The following SNX8 variants were observed in gnomAD, a reference collection of about 807,000 sequenced individuals.
SNX8 encodes the protein sorting nexin 8.
In SNX8, 25 loss-of-function variants were observed where a neutral mutation model predicts 51.6. The ratio of observed to expected loss-of-function variants is 0.48; its 90% confidence interval spans 0.35 to 0.68. The LOEUF (loss-of-function observed/expected upper bound fraction) is 0.68, where lower values mean the gene tolerates loss of function less well. SNX8 is among the 30% of genes least tolerant of loss of function. The pLI is 0.00. For synonymous variants in SNX8, 324 were observed against 277.0 expected (o/e 1.17, Z -1.68); for missense variants, 695 against 624.0 (o/e 1.11, Z -1.21).
Position 2,313,642 on chromosome 7 carries a change from C to T in SNX8, c.94+686G>A, listed in dbSNP as rs1265750970. On this transcript the variant is annotated intron_variant, in intron 1 of 10. Coordinates refer to ENST00000222990, the MANE Select transcript of SNX8 (RefSeq NM_013321.4). ...CTTTGGGAGGCCAAGGCAGGAGGAC[C>T]GCTTGAGGCCAGAAGCTCCAGACCA... is the stretch of plus-strand genomic sequence containing the variant. Among the ~76,000 whole-genome samples, 3 of 151,656 alleles carry T rather than the reference C, an allele frequency of 2.0e-5. No homozygotes were observed. In the East Asian group the frequency reaches 5.8e-4, roughly 29 times the overall value.
At chr7:2,284,830 C>A (rs1242704625) in intron 1 of SNX8, among the ~76,000 whole-genome samples, 1 of 152,172 alleles carries the variant, frequency 6.6e-6, no homozygotes, top group Non-Finnish European at 1.5e-5. Flanking sequence ...AATATTCCTT[C>A]TTCCGCTCAT....
At chr7:2,317,542 G>C (rs1259086430), upstream of SNX8, among the ~76,000 whole-genome samples, 2 of 151,868 alleles carry the variant, frequency 1.3e-5, no homozygotes, top group African/African-American at 4.8e-5. Context: ...CTTCCAAAGT[G>C]CTGGGATTAC....
At chr7:2,324,833 T>A (rs1778596084) in intron 1 of SNX8, among the ~76,000 whole-genome samples, 1 of 152,044 alleles carries the variant, frequency 6.6e-6, no homozygotes, top group African/African-American at 2.4e-5. Context: ...TGAGACAGGG[T>A]CTTGCTATCA....
At chr7:2,344,261 C>T (rs1052067394) in intron 1 of SNX8, among the ~76,000 whole-genome samples, 10 of 151,690 alleles carry the variant, frequency 6.6e-5, no homozygotes, top group South Asian at 4.2e-4. Context: ...GTGGGAAGAT[C>T]GCTTGAGCTC....
chr7:2,290,009 A>G (rs1259926573), intron 1 of SNX8, among the ~76,000 whole-genome samples: 2 of 152,190 alleles, frequency 1.3e-5, no homozygotes, highest in Admixed American at 1.3e-4. Context: ...CCTGGCCAAC[A>G]TGGTGAAACC....
chr7:2,313,254 G>A (rs947469437), intron 1 of SNX8, among the ~76,000 whole-genome samples: 1 of 151,926 alleles, frequency 6.6e-6, no homozygotes, highest in African/African-American at 2.4e-5. Context: ...GGCCAGGCGC[G>A]GTGGCTCACG....
chr7:2,286,645 AG>A (rs1310799893), intron 1 of SNX8, among the ~76,000 whole-genome samples: 1 of 151,042 alleles, frequency 6.6e-6, no homozygotes, highest in Non-Finnish European at 1.5e-5. Context: ...CAGCCTCCTG[AG>A]TAGCCGGGAC....
At chr7:2,348,416 C>T (rs1389350427) in intron 1 of SNX8, among the ~76,000 whole-genome samples, 4 of 148,436 alleles carry the variant, frequency 2.7e-5, no homozygotes, top group African/African-American at 5.0e-5. Flanking sequence ...TCTCGGCTCA[C>T]TGCAAGCTCC....
intron 1 of SNX8, among the ~76,000 whole-genome samples, chr7:2,338,900 G>A (rs1778875105): frequency 6.6e-6 from 1 of 151,956 alleles, no homozygotes; most frequent in Admixed American, 6.6e-5. Flanking sequence ...AACATAGCAA[G>A]ACCTTGCCTC....
intron 1 of SNX8, among the ~76,000 whole-genome samples, chr7:2,351,230 G>C (rs970048406): frequency 3.3e-5 from 5 of 152,202 alleles, no homozygotes; most frequent in African/African-American, 1.2e-4. Context: ...CGGTGCCTCA[G>C]GTTTCCCACT....
At chr7:2,342,098 G>A (rs1474112862) in intron 1 of SNX8, among the ~76,000 whole-genome samples, 1 of 151,526 alleles carries the variant, frequency 6.6e-6, no homozygotes, top group African/African-American at 2.4e-5. Flanking sequence ...AGAATCGCTT[G>A]CATCTGGGAG....
At chr7:2,326,166 C>G (rs1027309513) in intron 1 of SNX8, among the ~76,000 whole-genome samples, 127 of 150,966 alleles carry the variant, frequency 8.4e-4, no homozygotes, top group African/African-American at 2.9e-3. Context: ...GAGTTCAAGA[C>G]CAGCCTGGGC....
chr7:2,257,562 A>T lies in SNX8; in HGVS notation c.985-48T>A, dbSNP rs762697510. 1.9e-6 allele frequency: 3 copies of T among 1,595,736 alleles called. No homozygotes were observed. The South Asian group carries it at 3.3e-5, about 18-fold the overall frequency. On this transcript the variant is annotated intron_variant, in intron 8 of 10. Transcript: ENST00000222990. ...CGCCCGCTGTCTGGATGCCTGCGCC[A>T]GGGCCCTGCGGAGCCGGCCGAGGGA...
Position 2,257,651 on chromosome 7 carries a change from C to T in SNX8, c.984+84G>A, listed in dbSNP as rs569802096. On this transcript the variant is annotated intron_variant, in intron 8 of 10. Transcript: ENST00000222990. ...AGCCCTGGCTTCTCAGCTCCTCTTCCGTCCCCCAGGAGTTAGACCCTTGAA... is the reference window on the plus strand; with the variant it reads ...AGCCCTGGCTTCTCAGCTCCTCTTCTGTCCCCCAGGAGTTAGACCCTTGAA... 195 of 1,564,914 alleles carry T rather than the reference C, an allele frequency of 1.2e-4. 2 individuals carry two copies. The South Asian group carries it at 2.1e-3, about 17-fold the overall frequency.
upstream of SNX8, among the ~76,000 whole-genome samples, chr7:2,315,016 GCATT>G (rs1180124236): frequency 7.6e-6 from 1 of 132,380 alleles, no homozygotes; most frequent in Admixed American, 7.5e-5. Context: ...ACTGCATCCT[GCATT>G]CATTCATTCA....
At chr7:2,277,577 G>C (rs931881476) in intron 2 of SNX8, among the ~76,000 whole-genome samples, 1 of 152,002 alleles carries the variant, frequency 6.6e-6, no homozygotes, top group Admixed American at 6.6e-5. Flanking sequence ...GAGGCGGGTG[G>C]ATCATAAGGT....
chr7:2,263,391 A>G, intron 6 of SNX8, 29 bp from the exon 7 acceptor site: 1 of 1,560,878 alleles, frequency 6.4e-7, no homozygotes, highest in South Asian at 1.2e-5. Flanking sequence ...AGGAGAGGAG[A>G]CACTCAAGGC....
Position 2,257,813 on chromosome 7 carries a change from G to A in SNX8, c.916-10C>T, listed in dbSNP as rs778877200. ...TCTCTTCCTGCTTACCCTGGAAGGC[G>A]AGGGGGAGCTCACCCACGCGGACGC... On this transcript the variant is annotated splice_polypyrimidine_tract_variant and intron_variant, in intron 7 of 10. Coordinates refer to ENST00000222990, the MANE Select transcript of SNX8 (RefSeq NM_013321.4). 9.3e-6 allele frequency: 15 copies of A among 1,613,340 alleles called. No homozygotes were observed. In the East Asian group the frequency reaches 1.1e-4, roughly 12 times the overall value.
At chr7:2,331,248 T>C (rs1200009282) in intron 1 of SNX8, among the ~76,000 whole-genome samples, 1 of 144,496 alleles carries the variant, frequency 6.9e-6, no homozygotes, top group Non-Finnish European at 1.5e-5. Flanking sequence ...CCAATATCAA[T>C]ATAATAATAT....
Sources: gnomAD v4.1 joint callset for allele counts (sites outside exome capture counted in the v4.1 genomes callset) on GRCh38, gnomAD v4.1.1 for gene constraint, MANE v1.5 for transcripts, NCBI Gene and HGNC (gene_info 2026-07-23, HGNC 2026-07-21) for gene names.